Variants in PODXL observed in about 807,000 individuals in gnomAD.
PODXL encodes podocalyxin.
PODXL carries 20 observed loss-of-function variants against 48.9 expected under a neutral mutation model. The observed-to-expected ratio is 0.41, with a 90% CI of 0.29 to 0.59. The LOEUF is 0.59. PODXL is among the 20% of genes least tolerant of loss of function. The probability of loss-of-function intolerance (pLI) is 0.31; values close to 1 mark genes in which losing one functional copy is unlikely to be tolerated. For missense variants in PODXL, 606 were observed against 675.1 expected (o/e 0.90, Z 1.13); for synonymous variants, 295 against 287.4 (o/e 1.03, Z -0.27).
chr7:131,524,766 G>A (rs1345370027), intron 1 of PODXL, among the ~76,000 whole-genome samples: 1 of 152,038 alleles, frequency 6.6e-6, no homozygotes, highest in South Asian at 2.1e-4. Context: ...TACATGAAAT[G>A]AAAACCTATA....
In PODXL at chr7:131,513,710, CA is replaced by C. The variant is rs1278223025; in HGVS notation, c.101-2278del. Among the ~76,000 whole-genome samples the C allele has an allele frequency of 5.3e-5, 8 of 152,308 alleles. No individual in the cohort carries two copies. In the East Asian group the frequency reaches 1.5e-3, roughly 29 times the overall value. The stretch of plus-strand genomic sequence containing the variant: ...AAGCACTCATCCTGGGCCGCAGCGC[CA>C]CCTAGTGCTTGGCATGGGTAAGCAG... On this transcript the variant is annotated intron_variant, in intron 1 of 8. Coordinates refer to ENST00000378555, the MANE Select transcript of PODXL (RefSeq NM_001018111.3).
At position 131,552,977 on chromosome 7, in the gene PODXL, A is replaced by G. The variant is rs114421660; in HGVS notation, c.100+3283T>C. On this transcript the variant is annotated intron_variant, in intron 1 of 8. Coordinates refer to ENST00000378555, the MANE Select transcript of PODXL (RefSeq NM_001018111.3). Reference sequence around the variant, plus strand: ...GCTAATTTTTTTGTCTTTTTAGTACAGTCTTACTAGGTTGCCCAGGCTGGT... The same window carrying G: ...GCTAATTTTTTTGTCTTTTTAGTACGGTCTTACTAGGTTGCCCAGGCTGGT... Among the ~76,000 whole-genome samples the G allele has an allele frequency of 2.5e-3, 386 of 152,160 alleles. 3 individuals carry two copies. Among genetic ancestry groups the G allele is most frequent in the African/African-American group, 8.8e-3 (366 of 41,512 alleles).
chr7:131,506,222 C>T (rs769741420), intron 7 of PODXL, 38 bp downstream of exon 7: 11 of 1,607,076 alleles, frequency 6.8e-6, no homozygotes, highest in South Asian at 2.2e-5. Flanking sequence ...CAAGGGGCTT[C>T]GGAGCCACTC....
chr7:131,552,244 T>C (rs1798680168), intron 1 of PODXL, among the ~76,000 whole-genome samples: 1 of 152,230 alleles, frequency 6.6e-6, no homozygotes, highest in African/African-American at 2.4e-5. Context: ...AAGTATGTTG[T>C]TGGCCCCTCG....
chr7:131,504,108 T>G lies in PODXL; in HGVS notation c.*203A>C. On this transcript the variant is annotated 3_prime_UTR_variant, in exon 9 of 9. Coordinates refer to ENST00000378555, the MANE Select transcript of PODXL (RefSeq NM_001018111.3). ...CAGCAGCACTGAGCTCAGGCACTAG[T>G]GGGTTATTTTACAAGAGGAATCTGG... 1 of 590,692 alleles carries G rather than the reference T, an allele frequency of 1.7e-6. No individual in the cohort carries two copies. The allele number at this position is 590,692 out of a possible 1,614,324, so 36.6% of individuals were successfully genotyped here.
In PODXL at chr7:131,505,906, C is replaced by A. The variant is rs752219474; in HGVS notation, c.1441G>T (p.Gly481Cys). The A allele has an allele frequency of 7.0e-6, 11 of 1,579,286 alleles. No homozygotes were observed. Among genetic ancestry groups the A allele is most frequent in the Non-Finnish European group, 9.5e-6 (11 of 1,162,936 alleles). Residue 481 changes from glycine (G) to cysteine (C), a missense_variant, in exon 8 of 9, where the codon GGC (glycine) becomes TGC (cysteine). Gly to Cys is a radical substitution (Grantham distance 159). Coordinates refer to ENST00000378555, the MANE Select transcript of PODXL (RefSeq NM_001018111.3). ...SFLLLVAALY[G>C]CCHQRLSQRK... ...TGGGAGAGGCGCTGGTGGCAGCAGC[C>A]ATAGAGGGCCGCCACGAGGAGCAGG...
chr7:131,555,948 C>T (rs1022943894), intron 1 of PODXL, among the ~76,000 whole-genome samples: 2 of 152,228 alleles, frequency 1.3e-5, no homozygotes, highest in Non-Finnish European at 1.5e-5. Flanking sequence ...CCTCGCGGTG[C>T]GGTCTCCCTT....
At chr7:131,513,915 C>T (rs1797954529) in intron 1 of PODXL, among the ~76,000 whole-genome samples, 1 of 152,200 alleles carries the variant, frequency 6.6e-6, no homozygotes, top group Non-Finnish European at 1.5e-5. Flanking sequence ...AGCAAGACTT[C>T]AAGGATTGGT....
rs56367324 is a variant in PODXL at position 131,510,335 on chromosome 7, GAAAA to G, written c.707-8_707-5del. On this transcript the variant is annotated splice_region_variant and splice_polypyrimidine_tract_variant and intron_variant, in intron 2 of 8. Transcript: ENST00000378555. ...ACATGGTGAAACACTGTCTCTACTT[GAAAA>G]AAAAAAAAAAAAAAAAAAAAAAATT... 33,541 of 79,858 alleles carry G rather than the reference GAAAA, an allele frequency of 0.42. 7,372 individuals are homozygous for G. The highest frequency in any genetic ancestry group is 0.66 in the East Asian group (1,043 of 1,584). 4.9% of individuals were successfully genotyped at this position (79,858 alleles called of 1,614,324 possible).
intron 1 of PODXL, among the ~76,000 whole-genome samples, chr7:131,523,678 C>CAAAAAA (rs753654977): frequency 1.6e-5 from 1 of 61,938 alleles, no homozygotes; most frequent in Non-Finnish European, 2.5e-5. Flanking sequence ...GAATCCGTCT[C>CAAAAAA]AAAAAAAAAA....
chr7:131,500,280 A>G lies in PODXL; in HGVS notation c.*4031T>C, dbSNP rs532628139. The stretch of plus-strand genomic sequence containing the variant: ...CTAGAGCTTGAACCAGTTTACACAA[A>G]AACACTTTAATTGACAGTATACAAT... On this transcript the variant is annotated 3_prime_UTR_variant, in exon 9 of 9. Coordinates refer to ENST00000378555, the MANE Select transcript of PODXL (RefSeq NM_001018111.3). The G allele has an allele frequency of 6.6e-6, 1 of 152,540 alleles. No homozygotes were observed. The highest frequency in any genetic ancestry group is 2.4e-5 in the African/African-American group (1 of 41,572). 9.4% of individuals were successfully genotyped at this position (152,540 alleles called of 1,614,324 possible).
At chr7:131,546,952 G>A (rs1342918688) in intron 1 of PODXL, among the ~76,000 whole-genome samples, 3 of 152,158 alleles carry the variant, frequency 2.0e-5, no homozygotes, top group Non-Finnish European at 4.4e-5. Flanking sequence ...TGAGTAATGG[G>A]GAAGGGCCTT....
At chr7:131,546,123 TG>T in intron 1 of PODXL, among the ~76,000 whole-genome samples, 1 of 152,226 alleles carries the variant, frequency 6.6e-6, no homozygotes, top group African/African-American at 2.4e-5. Context: ...AATGGAGAGC[TG>T]GCCATAGAAA....
At chr7:131,506,139 G>A (rs538542529) in intron 7 of PODXL, 104 bp from the exon 8 acceptor site, 23 of 1,539,302 alleles carry the variant, frequency 1.5e-5, no homozygotes, top group Admixed American at 8.5e-5. Context: ...GGTCCGTGCC[G>A]CCGCCCTCTT....
rs1309534095 is a variant in PODXL at position 131,500,589 on chromosome 7, C to T, written c.*3722G>A. ...TTACTCTTGCCCTCTCTGCCTCCCC[C>T]ATCATGTTTCCTTGGTCCCTCAGTC... is the stretch of plus-strand genomic sequence containing the variant. On this transcript the variant is annotated 3_prime_UTR_variant, in exon 9 of 9. Coordinates refer to ENST00000378555, the MANE Select transcript of PODXL (RefSeq NM_001018111.3). 6.6e-6 allele frequency: 1 copy of T among 152,326 alleles called. No individual in the cohort carries two copies. The highest frequency in any genetic ancestry group is 2.4e-5 in the African/African-American group (1 of 41,472). The allele number at this position is 152,326 out of a possible 1,614,324, so 9.4% of individuals were successfully genotyped here.
chr7:131,553,627 C>T (rs551922397), intron 1 of PODXL, among the ~76,000 whole-genome samples: 4 of 152,346 alleles, frequency 2.6e-5, no homozygotes, highest in African/African-American at 9.6e-5. Context: ...GGGAGGTCCA[C>T]TATTTTGTCC....
intron 1 of PODXL, among the ~76,000 whole-genome samples, chr7:131,512,537 G>A (rs1213212953): frequency 1.3e-5 from 2 of 152,190 alleles, no homozygotes; most frequent in Non-Finnish European, 2.9e-5. Flanking sequence ...AAGCCCCCGA[G>A]TAGGGAAAGC....
chr7:131,531,887 G>T (rs1197813920), intron 1 of PODXL, among the ~76,000 whole-genome samples: 1 of 152,112 alleles, frequency 6.6e-6, no homozygotes, highest in Non-Finnish European at 1.5e-5. Flanking sequence ...GAGGTGGGCG[G>T]ATCACCTGAG....
intron 1 of PODXL, among the ~76,000 whole-genome samples, chr7:131,536,646 C>T (rs1253090338): frequency 6.6e-6 from 1 of 152,152 alleles, no homozygotes; most frequent in East Asian, 1.9e-4. Flanking sequence ...TGGTTCCTGT[C>T]CCCAGCGCCC....
Sources: gnomAD v4.1 joint callset for allele counts (sites outside exome capture counted in the v4.1 genomes callset) on GRCh38, gnomAD v4.1.1 for gene constraint, MANE v1.5 for transcripts, NCBI Gene and HGNC (gene_info 2026-07-23, HGNC 2026-07-21) for gene names.